Variants in MICU1 observed in about 807,000 individuals in gnomAD.
MICU1 encodes calcium uptake protein 1, mitochondrial.
Under a neutral mutation model 56.8 loss-of-function variants are expected in MICU1, and 45 were observed. That is an observed-to-expected ratio of 0.79 (90% CI 0.62 to 1.02). The LOEUF is 1.02. MICU1 is among the 50% of genes least tolerant of loss of function. MICU1 has a pLI of 0.00. For missense variants in MICU1, 504 were observed against 587.1 expected, an observed-to-expected ratio of 0.86 and a Z score of 1.46; for synonymous variants, 186 against 195.1, an observed-to-expected ratio of 0.95 and a Z score of 0.39.
intron 1 of MICU1, among the ~76,000 whole-genome samples, chr10:72,590,367 A>C (rs1841187751): frequency 6.6e-6 from 1 of 152,254 alleles, no homozygotes; most frequent in Non-Finnish European, 1.5e-5. Flanking sequence ...AATAATTATC[A>C]ACATTTATAC....
rs192883962 is a variant in MICU1 at position 72,569,201 on chromosome 10, A to G, written c.-1-2407T>C. On this transcript the variant is annotated intron_variant, in intron 1 of 11. Transcript: ENST00000361114. ...AAACAATACATTTCTAAAATCATAT[A>G]TATGCATATATATATATATATATAT... is the stretch of plus-strand genomic sequence containing the variant. 7.2e-3 allele frequency among the ~76,000 whole-genome samples: 830 copies of G among 116,032 alleles called. 14 individuals are homozygous for G. Among genetic ancestry groups the G allele is most frequent in the African/African-American group, 0.026 (782 of 30,294 alleles). 76.1% of individuals were successfully genotyped at this position (116,032 alleles called of 152,430 possible).
intron 9 of MICU1, among the ~76,000 whole-genome samples, chr10:72,412,509 A>G (rs11814590): frequency 0.072 from 10,892 of 152,294 alleles, 1,339 homozygotes; most frequent in African/African-American, 0.25. Context: ...TGAAAAATGA[A>G]TTTAACATTA....
chr10:72,540,136 G>A (rs1054064743), intron 4 of MICU1, among the ~76,000 whole-genome samples: 5 of 151,808 alleles, frequency 3.3e-5, no homozygotes, highest in African/African-American at 7.3e-5. Context: ...GCATGGTGGC[G>A]CATGCCTGTA....
At chr10:72,550,435 T>G (rs1371668217) in intron 4 of MICU1, among the ~76,000 whole-genome samples, 1 of 152,190 alleles carries the variant, frequency 6.6e-6, no homozygotes, top group Non-Finnish European at 1.5e-5. Context: ...AAGGACACAT[T>G]ACTCAGAACA....
At chr10:72,482,610 C>A (rs1866336714) in intron 6 of MICU1, among the ~76,000 whole-genome samples, 1 of 151,948 alleles carries the variant, frequency 6.6e-6, no homozygotes, top group African/African-American at 2.4e-5. Flanking sequence ...CATGCACAGT[C>A]CAAATCTACC....
intron 9 of MICU1, among the ~76,000 whole-genome samples, chr10:72,412,854 GA>G (rs57152777): frequency 0.12 from 9,409 of 76,982 alleles, 1,057 homozygotes; most frequent in African/African-American, 0.3. Context: ...TCTGTCTCCA[GA>G]AAAAAAAAAA....
chr10:72,595,022 G>A (rs1156378686), intron 1 of MICU1, among the ~76,000 whole-genome samples: 1 of 150,078 alleles, frequency 6.7e-6, no homozygotes, highest in South Asian at 2.1e-4. Flanking sequence ...TAAGCATATT[G>A]AAGTATCAAC....
At chr10:72,595,032 C>A (rs759273769) in intron 1 of MICU1, among the ~76,000 whole-genome samples, 1 of 149,756 alleles carries the variant, frequency 6.7e-6, no homozygotes, top group African/African-American at 2.5e-5. Flanking sequence ...GAAGTATCAA[C>A]AAGAAGATCC....
intron 10 of MICU1, among the ~76,000 whole-genome samples, chr10:72,399,831 G>A (rs188179669): frequency 2.0e-5 from 3 of 152,046 alleles, no homozygotes; most frequent in African/African-American, 7.2e-5. Context: ...GGTGGTGGGT[G>A]CCTGTAGTCC....
intron 9 of MICU1, among the ~76,000 whole-genome samples, chr10:72,421,712 T>C (rs929821158): frequency 2.0e-5 from 3 of 152,228 alleles, no homozygotes; most frequent in Non-Finnish European, 4.4e-5. Flanking sequence ...TAAATTCTAA[T>C]AGGCTTATTA....
chr10:72,537,230 G>A (rs970455910), intron 4 of MICU1, among the ~76,000 whole-genome samples: 4 of 152,170 alleles, frequency 2.6e-5, no homozygotes, highest in Non-Finnish European at 1.5e-5. Flanking sequence ...GCCAAATGAA[G>A]GAGATGGTTG....
At chr10:72,474,491 A>T (rs1191395683) in intron 8 of MICU1, among the ~76,000 whole-genome samples, 1 of 152,124 alleles carries the variant, frequency 6.6e-6, no homozygotes, top group Non-Finnish European at 1.5e-5. Context: ...ATCCCCAAAC[A>T]CAGTAAGATA....
chr10:72,396,647 T>G (rs1243092973), intron 10 of MICU1, among the ~76,000 whole-genome samples: 1 of 152,186 alleles, frequency 6.6e-6, no homozygotes, highest in Non-Finnish European at 1.5e-5. Flanking sequence ...TGCACAAGCT[T>G]CAATAGCTGA....
chr10:72,494,681 G>GAAC (rs1470901492), intron 6 of MICU1, among the ~76,000 whole-genome samples: 1 of 149,682 alleles, frequency 6.7e-6, no homozygotes, highest in Admixed American at 6.7e-5. Flanking sequence ...AAAAAAAAAA[G>GAAC]AACAACAACA....
At chr10:72,570,225 G>A (rs1840573864) in intron 1 of MICU1, among the ~76,000 whole-genome samples, 1 of 152,162 alleles carries the variant, frequency 6.6e-6, no homozygotes, top group Non-Finnish European at 1.5e-5. Context: ...GATTACAGGT[G>A]TGAGCCACCA....
At chr10:72,519,851 G>A (rs1867765158) in intron 5 of MICU1, among the ~76,000 whole-genome samples, 1 of 152,308 alleles carries the variant, frequency 6.6e-6, no homozygotes, top group Admixed American at 6.5e-5. Flanking sequence ...TAAAGAAGTT[G>A]ATGGACTATG....
chr10:72,562,550 T>C (rs1840327004), intron 3 of MICU1, among the ~76,000 whole-genome samples: 1 of 152,160 alleles, frequency 6.6e-6, no homozygotes, highest in Admixed American at 6.5e-5. Context: ...TTTTATTCTG[T>C]CTCTACAACC....
intron 10 of MICU1, among the ~76,000 whole-genome samples, chr10:72,381,944 CTG>C (rs1862716295): frequency 7.1e-6 from 1 of 139,986 alleles, no homozygotes; most frequent in Non-Finnish European, 1.5e-5. Context: ...GTGGAGGAGA[CTG>C]TGTATATATA....
intron 9 of MICU1, among the ~76,000 whole-genome samples, chr10:72,414,899 T>A (rs1863933113): frequency 1.3e-5 from 2 of 152,004 alleles, no homozygotes; most frequent in African/African-American, 4.8e-5. Flanking sequence ...CAGAAGCCAA[T>A]CTAATTGCCC....
Sources: gnomAD v4.1 joint callset for allele counts (sites outside exome capture counted in the v4.1 genomes callset) on GRCh38, gnomAD v4.1.1 for gene constraint, MANE v1.5 for transcripts, NCBI Gene and HGNC (gene_info 2026-07-23, HGNC 2026-07-21) for gene names.